Variants in NIPBL observed in about 807,000 individuals in gnomAD.
The protein encoded by NIPBL is nipped-B-like protein.
A neutral mutation model predicts 321.8 loss-of-function variants in NIPBL; 19 were observed. The ratio of observed to expected loss-of-function variants is 0.06; its 90% CI spans 0.04 to 0.09. The LOEUF (loss-of-function observed/expected upper bound fraction) is 0.09. Among genes scored for constraint, NIPBL ranks in the 10% least tolerant of loss-of-function variants. NIPBL has a pLI of 1.00. For missense variants in NIPBL, 2,210 were observed against 3,327.0 expected, an observed-to-expected ratio of 0.66 and a Z score of 8.26; for synonymous variants, 1,106 against 1,114.1, an observed-to-expected ratio of 0.99 and a Z score of 0.14.
intron 1 of NIPBL, among the ~76,000 whole-genome samples, chr5:36,911,541 T>C (rs924996114): frequency 6.6e-6 from 1 of 152,194 alleles, no homozygotes; most frequent in East Asian, 1.9e-4. Flanking sequence ...TTTTCTACAT[T>C]GTACTATAAA....
At chr5:37,023,218 T>A (rs1458426614) in intron 29 of NIPBL, among the ~76,000 whole-genome samples, 1 of 152,134 alleles carries the variant, frequency 6.6e-6, no homozygotes, top group Non-Finnish European at 1.5e-5. Flanking sequence ...CTGGAAAAAT[T>A]TTTTTCCTTC....
intron 26 of NIPBL, 46 bp from the exon 27 acceptor site, chr5:37,020,729 A>G: frequency 6.2e-7 from 1 of 1,603,480 alleles, no homozygotes; most frequent in East Asian, 2.2e-5. Context: ...TATTTCCCTA[A>G]GTTACAAAAA....
At chr5:36,992,668 T>G (rs1561127511) in intron 10 of NIPBL, among the ~76,000 whole-genome samples, 1 of 152,042 alleles carries the variant, frequency 6.6e-6, no homozygotes, top group African/African-American at 2.4e-5. Context: ...ATCCTTGATG[T>G]CATATTGAAG....
intron 34 of NIPBL, among the ~76,000 whole-genome samples, chr5:37,042,893 A>G (rs868335855): frequency 1.6e-4 from 24 of 147,768 alleles, no homozygotes; most frequent in East Asian, 4.0e-4. Flanking sequence ...TACTACACAC[A>G]CGCGCGCACA....
intron 1 of NIPBL, among the ~76,000 whole-genome samples, chr5:36,910,682 T>A (rs191857758): frequency 6.6e-6 from 1 of 152,324 alleles, no homozygotes; most frequent in East Asian, 1.9e-4. Flanking sequence ...ATTTTTTATC[T>A]TACCTTTTTT....
At chr5:37,023,032 T>C (rs1261387549) in intron 29 of NIPBL, among the ~76,000 whole-genome samples, 7 of 152,228 alleles carry the variant, frequency 4.6e-5, no homozygotes, top group Non-Finnish European at 2.9e-5. Flanking sequence ...TATTGACTTA[T>C]TGTAGAACTC....
At chr5:36,923,245 G>A (rs1434059197) in intron 1 of NIPBL, among the ~76,000 whole-genome samples, 1 of 152,048 alleles carries the variant, frequency 6.6e-6, no homozygotes, top group Non-Finnish European at 1.5e-5. Flanking sequence ...GGTGGAGGTT[G>A]CAGTGAGCCG....
chr5:37,062,083 C>G (rs1400609497), intron 45 of NIPBL, among the ~76,000 whole-genome samples: 2 of 152,154 alleles, frequency 1.3e-5, no homozygotes, highest in Non-Finnish European at 2.9e-5. Context: ...CTCAGGTGAT[C>G]CGCCGGCCTC....
chr5:36,992,836 G>A (rs965993693), intron 10 of NIPBL, among the ~76,000 whole-genome samples: 1 of 151,722 alleles, frequency 6.6e-6, no homozygotes, highest in Admixed American at 6.6e-5. Context: ...TCCGCCTTCC[G>A]GGCTCATGCC....
Position 37,063,866 on chromosome 5 carries a change from G to T in NIPBL, c.7937G>T (p.Arg2646Leu). ...GAGGTTTCAGCTAGCACAAATGCTC[G>T]GAACAAAGCAATTACCTCACTGCTT... is the stretch of plus-strand genomic sequence containing the variant. ...EGEVSASTNA[R>L]NKAITSLLGG... Residue 2646 changes from arginine (R) to leucine (L), a missense_variant, in exon 46 of 47, where the codon CGG becomes CTG. This residue lies in a region of NIPBL where 159 missense variants were observed against 319.2 expected (regional missense o/e 0.50). Coordinates refer to ENST00000282516, the MANE Select transcript of NIPBL (RefSeq NM_133433.4). 6.2e-7 allele frequency: 1 copy of T among 1,613,960 alleles called. No individual in the cohort carries two copies. Among genetic ancestry groups the T allele is most frequent in the Non-Finnish European group, 8.5e-7 (1 of 1,179,984 alleles).
rs79404090 is a variant in NIPBL at position 37,051,326 on chromosome 5, C to T, written c.6955-453C>T. The T allele has an allele frequency of 8.3e-4, 153 of 183,938 alleles. 1 individual carries two copies. Among genetic ancestry groups the T allele is most frequent in the Admixed American group, 6.9e-3 (119 of 17,158 alleles). 11.4% of individuals were successfully genotyped at this position (183,938 alleles called of 1,614,324 possible). A position where few individuals can be genotyped will look rare whatever the true frequency, so the allele number is the denominator to read the frequency against. ...TATGACTGTTATCAACTCTCTGTTC[C>T]TCAAAGCCACATCTGAAATCAACTT... is the stretch of plus-strand genomic sequence containing the variant. On this transcript the variant is annotated intron_variant, in intron 40 of 46. Coordinates refer to ENST00000282516, the MANE Select transcript of NIPBL (RefSeq NM_133433.4).
intron 1 of NIPBL, among the ~76,000 whole-genome samples, chr5:36,940,360 C>A (rs1044042935): frequency 1.6e-4 from 24 of 152,066 alleles, no homozygotes; most frequent in African/African-American, 5.8e-4. Context: ...AAATTGAGAG[C>A]CCCTTCAGCT....
intron 32 of NIPBL, among the ~76,000 whole-genome samples, chr5:37,032,636 A>G (rs960947586): frequency 3.3e-5 from 5 of 151,968 alleles, no homozygotes; most frequent in Admixed American, 2.0e-4. Context: ...TTAACTGGGC[A>G]TTGTGGCCTG....
chr5:36,965,913 A>T (rs1260980678), intron 6 of NIPBL, among the ~76,000 whole-genome samples: 1 of 152,114 alleles, frequency 6.6e-6, no homozygotes, highest in African/African-American at 2.4e-5. Flanking sequence ...ACTATTGAGA[A>T]AGGTTGCATT....
At chr5:36,904,151 C>G (rs1175366221) in intron 1 of NIPBL, among the ~76,000 whole-genome samples, 1 of 152,126 alleles carries the variant, frequency 6.6e-6, no homozygotes, top group Non-Finnish European at 1.5e-5. Context: ...ATTTAGTGTA[C>G]TGTAGATAAA....
In NIPBL at chr5:36,925,711, A is replaced by G. The variant is rs189607344; in HGVS notation, c.-79-27907A>G. Among the ~76,000 whole-genome samples, 11 of 152,318 alleles carry G rather than the reference A, an allele frequency of 7.2e-5. No individual in the cohort carries two copies. The East Asian group carries it at 2.1e-3, about 29-fold the overall frequency. ...TTATAATTAAAAACCTGTTTTTGCCACTATTGCATATTGTTAGAAGGCTGT... is the reference window on the plus strand; with the variant it reads ...TTATAATTAAAAACCTGTTTTTGCCGCTATTGCATATTGTTAGAAGGCTGT... On this transcript the variant is annotated intron_variant, in intron 1 of 46. Coordinates refer to ENST00000282516, the MANE Select transcript of NIPBL (RefSeq NM_133433.4).
intron 3 of NIPBL, among the ~76,000 whole-genome samples, chr5:36,956,423 T>C (rs1740952275): frequency 6.6e-6 from 1 of 152,048 alleles, no homozygotes; most frequent in Non-Finnish European, 1.5e-5. Flanking sequence ...AAACACATTA[T>C]AATGGAGAGA....
At position 36,920,107 on chromosome 5, in the gene NIPBL, G is replaced by T. The variant is rs139569076; in HGVS notation, c.-79-33511G>T. 3.9e-5 allele frequency among the ~76,000 whole-genome samples: 6 copies of T among 151,996 alleles called. No individual in the cohort carries two copies. In the East Asian group the frequency reaches 1.2e-3, roughly 29 times the overall value. ...TTTGTAAGGTGATATGAATATCAGA[G>T]AAATATAACTACATGTTATACTTCT... On this transcript the variant is annotated intron_variant, in intron 1 of 46. Coordinates refer to ENST00000282516, the MANE Select transcript of NIPBL (RefSeq NM_133433.4).
At chr5:37,061,371 G>T (rs1290167293) in intron 45 of NIPBL, among the ~76,000 whole-genome samples, 1 of 152,040 alleles carries the variant, frequency 6.6e-6, no homozygotes. Flanking sequence ...GATATTCAAG[G>T]GCCTGATAAA....
Sources: allele counts gnomAD v4.1 joint callset (sites outside exome capture counted in the v4.1 genomes callset), GRCh38; gene constraint gnomAD v4.1.1; regional missense constraint gnomAD v4.1.1; transcripts MANE v1.5; gene names NCBI Gene and HGNC (gene_info 2026-07-23, HGNC 2026-07-21).